The following PATJ variants were observed in gnomAD, a reference collection of about 807,000 sequenced individuals.
PATJ encodes inaD-like protein.
Under a neutral mutation model 224.9 loss-of-function variants are expected in PATJ, and 190 were observed. That is an observed-to-expected ratio of 0.84 (90% CI 0.75 to 0.95). The LOEUF (loss-of-function observed/expected upper bound fraction) is 0.95, where lower values mean the gene tolerates loss of function less well. PATJ is among the 40% of genes least tolerant of loss of function. PATJ has a pLI of 0.00. For missense variants in PATJ, 2,121 were observed against 2,270.3 expected, an observed-to-expected ratio of 0.93 and a Z score of 1.34; for synonymous variants, 769 against 820.3, an observed-to-expected ratio of 0.94 and a Z score of 1.07.
At chr1:62,061,995 G>A (rs1165762451) in intron 31 of PATJ, among the ~76,000 whole-genome samples, 6 of 152,144 alleles carry the variant, frequency 3.9e-5, no homozygotes, top group Non-Finnish European at 8.8e-5. Context: ...CACTGTTGAT[G>A]GGCACCCAGG....
intron 37 of PATJ, among the ~76,000 whole-genome samples, chr1:62,119,674 G>T (rs1016339590): frequency 6.6e-6 from 1 of 152,154 alleles, no homozygotes; most frequent in Admixed American, 6.5e-5. Flanking sequence ...GGGCGTGGTG[G>T]CTCACATCTG....
chr1:61,818,241 T>C (rs1656553538), intron 14 of PATJ, among the ~76,000 whole-genome samples: 1 of 152,226 alleles, frequency 6.6e-6, no homozygotes, highest in Non-Finnish European at 1.5e-5. Context: ...TGGCCATGCT[T>C]CCCTTGAATA....
intron 28 of PATJ, among the ~76,000 whole-genome samples, chr1:62,015,681 T>C (rs918541678): frequency 1.3e-5 from 2 of 152,186 alleles, no homozygotes; most frequent in Admixed American, 1.3e-4. Context: ...TACAGGTGTG[T>C]GCCACCACAT....
At chr1:61,937,971 A>G (rs1259206676) in intron 27 of PATJ, among the ~76,000 whole-genome samples, 1 of 151,940 alleles carries the variant, frequency 6.6e-6, no homozygotes, top group Admixed American at 6.6e-5. Flanking sequence ...CTTTTTTTGT[A>G]TCTGAATCTC....
chr1:62,039,361 A>G (rs930327309), intron 30 of PATJ, among the ~76,000 whole-genome samples: 3 of 152,170 alleles, frequency 2.0e-5, no homozygotes, highest in Non-Finnish European at 2.9e-5. Context: ...GCTATATCCA[A>G]TAAATCTGTT....
intron 9 of PATJ, among the ~76,000 whole-genome samples, chr1:61,793,090 T>C (rs1015660865): frequency 6.6e-6 from 1 of 152,108 alleles, no homozygotes; most frequent in African/African-American, 2.4e-5. Flanking sequence ...TTTTCTTTTC[T>C]GAGATGGAGT....
intron 26 of PATJ, among the ~76,000 whole-genome samples, chr1:61,924,868 G>A (rs946893322): frequency 1.3e-5 from 2 of 152,134 alleles, no homozygotes; most frequent in South Asian, 4.1e-4. Flanking sequence ...CTGGTTTTAC[G>A]TTAAAGAGCT....
rs34869231 is a variant in PATJ, at chr1:62,158,731, C to CAA, written c.5503-2169_5503-2168dup. ...GCGAGACTCTGTCTCAAAAAAAAAA[C>CAA]AAAAAAAAAGAGTTCGAGACCAGCT... On this transcript the variant is annotated intron_variant, in intron 43 of 43. Transcript: ENST00000642238. Among the ~76,000 whole-genome samples, 16 of 120,904 alleles carry CAA rather than the reference C, an allele frequency of 1.3e-4. 1 individual carries two copies. The East Asian group carries it at 1.7e-3, about 13-fold the overall frequency. 79.3% of individuals were successfully genotyped at this position (120,904 alleles called of 152,430 possible).
Position 62,084,642 on chromosome 1 carries a change from A to G in PATJ, c.4371A>G (p.Thr1457=), listed in dbSNP as rs763615030. Residue 1457 remains threonine, a synonymous_variant, in exon 33 of 44, where the codon ACA becomes ACG. Transcript: ENST00000642238. ...LGLSIVGGKD[T]PLNAIVIHEV... is the part of the protein sequence containing the mutation. ...TCAGCATTGTGGGAGGAAAAGACAC[A>G]CCCTTGGTAAGTTTCTAGAAATAAA... The G allele has an allele frequency of 6.2e-7, 1 of 1,612,180 alleles. No individual in the cohort carries two copies. The highest frequency in any genetic ancestry group is 2.2e-5 in the East Asian group (1 of 44,832).
intron 42 of PATJ, among the ~76,000 whole-genome samples, chr1:62,149,167 A>G (rs1304805763): frequency 1.1e-5 from 1 of 88,006 alleles, no homozygotes. Flanking sequence ...TCTAGGGAGC[A>G]TGTTTAAAGA....
intron 22 of PATJ, among the ~76,000 whole-genome samples, chr1:61,897,648 C>T (rs1670568956): frequency 6.6e-6 from 1 of 152,106 alleles, no homozygotes; most frequent in Non-Finnish European, 1.5e-5. Context: ...ATGAGTTTTC[C>T]TGGAAGTCTC....
chr1:61,998,229 G>A (rs1046763971), intron 28 of PATJ, among the ~76,000 whole-genome samples: 2 of 149,946 alleles, frequency 1.3e-5, no homozygotes, highest in South Asian at 2.1e-4. Context: ...ATAGGCATGA[G>A]CCATCAGGCC....
At chr1:62,126,468 C>T (rs757590774) in intron 39 of PATJ, among the ~76,000 whole-genome samples, 11 of 152,288 alleles carry the variant, frequency 7.2e-5, no homozygotes, top group East Asian at 1.9e-4. Context: ...AGGAGAGATA[C>T]GCTGTCACGT....
At chr1:62,070,966 T>C (rs955977230) in intron 31 of PATJ, among the ~76,000 whole-genome samples, 1 of 152,202 alleles carries the variant, frequency 6.6e-6, no homozygotes, top group Non-Finnish European at 1.5e-5. Context: ...ACTTGGTCAC[T>C]ATCTATTGTA....
At chr1:61,929,523 C>T (rs373699157) in intron 27 of PATJ, among the ~76,000 whole-genome samples, 21 of 152,272 alleles carry the variant, frequency 1.4e-4, no homozygotes, top group African/African-American at 4.3e-4. Flanking sequence ...TGTTTTAAAG[C>T]CTTTATGTGT....
At chr1:61,833,354 A>G (rs1301579583) in intron 16 of PATJ, 1 of 187,476 alleles carries the variant, frequency 5.3e-6, no homozygotes, top group Non-Finnish European at 1.1e-5. Context: ...TAATGGGATG[A>G]CAGAACTCAT....
intron 30 of PATJ, among the ~76,000 whole-genome samples, chr1:62,044,730 A>T (rs1652196069): frequency 1.3e-5 from 2 of 152,154 alleles, no homozygotes; most frequent in Non-Finnish European, 2.9e-5. Flanking sequence ...TTTCCATTTT[A>T]TTTTAATTTT....
rs1276286578 is a variant in PATJ at position 62,163,393 on chromosome 1, C to G, written c.*2339C>G. The G allele has an allele frequency of 1.3e-5, 2 of 152,454 alleles. No individual in the cohort carries two copies. The highest frequency in any genetic ancestry group is 4.8e-5 in the African/African-American group (2 of 41,390). 9.4% of individuals were successfully genotyped at this position (152,454 alleles called of 1,614,324 possible). On this transcript the variant is annotated 3_prime_UTR_variant, in exon 44 of 44. Coordinates refer to ENST00000642238, the MANE Select transcript of PATJ (RefSeq NM_001350145.3). The stretch of plus-strand genomic sequence containing the variant: ...TCAGGCAAGCCAAGAAGAAATGAAA[C>G]CCAAATAAAACTTGAAAATGCACCT...
At chr1:61,881,268 G>A (rs1668054112) in intron 21 of PATJ, among the ~76,000 whole-genome samples, 2 of 152,118 alleles carry the variant, frequency 1.3e-5, no homozygotes, top group South Asian at 2.1e-4. Context: ...GGCAGGTAGC[G>A]GAGACATTCA....
Sources: allele counts gnomAD v4.1 joint callset (sites outside exome capture counted in the v4.1 genomes callset), GRCh38; gene constraint gnomAD v4.1.1; transcripts MANE v1.5; gene names NCBI Gene and HGNC (gene_info 2026-07-23, HGNC 2026-07-21).